PTK7: variants seen among roughly 807,000 people sequenced by gnomAD.
The protein encoded by PTK7 is protein tyrosine kinase 7 (inactive).
Under a neutral mutation model 116.6 loss-of-function variants are expected in PTK7, and 39 were observed. That is an observed-to-expected ratio of 0.33 (90% CI 0.26 to 0.44). PTK7 has a LOEUF of 0.44. Ranked by LOEUF, PTK7 falls within the 20% of genes least tolerant of loss-of-function variation. The probability of loss-of-function intolerance (pLI) is 1.00; values close to 1 mark genes in which losing one functional copy is unlikely to be tolerated. For synonymous variants in PTK7, 546 were observed against 563.6 expected (o/e 0.97, Z 0.44); for missense variants, 1,169 against 1,425.6 (o/e 0.82, Z 2.90).
At chr6:43,094,504 G>A (rs929362927) in intron 1 of PTK7, among the ~76,000 whole-genome samples, 2 of 149,436 alleles carry the variant, frequency 1.3e-5, no homozygotes, top group Non-Finnish European at 1.5e-5. Flanking sequence ...CCGTCTCGTC[G>A]CCCAGGCTGG....
intron 17 of PTK7, among the ~76,000 whole-genome samples, chr6:43,147,574 G>A (rs1019095675): frequency 2.0e-5 from 3 of 152,162 alleles, no homozygotes; most frequent in African/African-American, 4.8e-5. Flanking sequence ...TTTCTCCCAG[G>A]GGACCATTCC....
intron 17 of PTK7, among the ~76,000 whole-genome samples, chr6:43,158,564 C>G (rs1476001463): frequency 6.6e-6 from 1 of 152,222 alleles, no homozygotes; most frequent in Non-Finnish European, 1.5e-5. Context: ...GTGCCACTCA[C>G]TTAATCTGGC....
chr6:43,149,076 A>G (rs1470499189), intron 17 of PTK7, among the ~76,000 whole-genome samples: 6 of 145,752 alleles, frequency 4.1e-5, no homozygotes, highest in East Asian at 2.1e-4. Context: ...AAAAAAAAAA[A>G]AAAAAGAAAT....
chr6:43,150,787 CTTTTTTTTTTTT>C (rs1176963526), intron 17 of PTK7, among the ~76,000 whole-genome samples: 27 of 60,744 alleles, frequency 4.4e-4, no homozygotes, highest in East Asian at 1.3e-3. Context: ...GTAGACTCAG[CTTTTTTTTTTTT>C]TTTTTTTTTT....
Position 43,139,078 on chromosome 6 carries a change from G to T in PTK7, c.1363-58G>T. On this transcript the variant is annotated intron_variant, in intron 8 of 19. Transcript: ENST00000230419. This position sits in a 1 kb window ranked among gnomAD's most constrained non-coding sequence, Gnocchi z 4.6. ...CCATAGCACTCTTACCCTGGAGGCA[G>T]CCTCCAGGGAGAGGTGGGTGTGGGT... The T allele has an allele frequency of 1.2e-6, 2 of 1,610,746 alleles. No individual in the cohort carries two copies. The highest frequency in any genetic ancestry group is 1.7e-6 in the Non-Finnish European group (2 of 1,177,766).
At chr6:43,130,975 C>T (rs993810638) in intron 5 of PTK7, among the ~76,000 whole-genome samples, 4 of 147,030 alleles carry the variant, frequency 2.7e-5, no homozygotes, top group African/African-American at 7.6e-5. Flanking sequence ...CACAAGAGAC[C>T]TAGGTAGTCA....
At chr6:43,116,651 T>TGTGTGTGCGCGCGCGCGCGC (rs1323606377) in intron 1 of PTK7, among the ~76,000 whole-genome samples, 8 of 77,204 alleles carry the variant, frequency 1.0e-4, no homozygotes, top group African/African-American at 5.2e-4. Context: ...TGTGTGTGTG[T>TGTGTGTGCGCGCGCGCGCGC]GCGCGCGCAC....
chr6:43,138,711 A>AG, intron 7 of PTK7, 138 bp from the exon 8 acceptor site: 1 of 1,261,770 alleles, frequency 7.9e-7, no homozygotes, highest in Non-Finnish European at 1.1e-6. Flanking sequence ...TCTTCCGTAA[A>AG]GGGAAACTCC....
At chr6:43,078,865 G>A (rs1178012814) in intron 1 of PTK7, among the ~76,000 whole-genome samples, 2 of 152,184 alleles carry the variant, frequency 1.3e-5, no homozygotes, top group African/African-American at 4.8e-5. Flanking sequence ...TCTTTCCTCC[G>A]GGCTCTTGTT....
chr6:43,094,533 C>T (rs577792030), intron 1 of PTK7, among the ~76,000 whole-genome samples: 8 of 151,112 alleles, frequency 5.3e-5, no homozygotes, highest in Admixed American at 2.6e-4. Context: ...GGCACGATCT[C>T]GGCTCACTGC....
chr6:43,076,941 A>G lies in PTK7; in HGVS notation c.79+374A>G, dbSNP rs1252502730. ...ATCCGCACCCACCGTGGGGAGCGCG[A>G]TGGAGAAAAAGGAATTCCCCACCCC... On this transcript the variant is annotated intron_variant, in intron 1 of 19. Coordinates refer to ENST00000230419, the MANE Select transcript of PTK7 (RefSeq NM_002821.5). The surrounding 1 kb of genome is among the most constrained non-coding windows in gnomAD (Gnocchi z 5.7). 2.6e-6 allele frequency: 4 copies of G among 1,515,306 alleles called. No individual in the cohort carries two copies. The highest frequency in any genetic ancestry group is 3.5e-6 in the Non-Finnish European group (4 of 1,132,510). The allele number at this position is 1,515,306 out of a possible 1,614,324, so 93.9% of individuals were successfully genotyped here.
At chr6:43,155,533 A>G (rs1582224530) in intron 17 of PTK7, among the ~76,000 whole-genome samples, 1 of 151,740 alleles carries the variant, frequency 6.6e-6, no homozygotes, top group African/African-American at 2.4e-5. Flanking sequence ...AAACCCAGCT[A>G]CTCGGGAGGT....
chr6:43,094,975 C>T (rs1294426480), intron 1 of PTK7, among the ~76,000 whole-genome samples: 3 of 151,336 alleles, frequency 2.0e-5, no homozygotes, highest in African/African-American at 7.3e-5. Flanking sequence ...AACCGGGAGG[C>T]GGAGGTTGCA....
At chr6:43,118,655 CTCTCTATATA>C (rs1176284672) in intron 1 of PTK7, among the ~76,000 whole-genome samples, 1,988 of 69,970 alleles carry the variant, frequency 0.028, 11 homozygotes, top group African/African-American at 0.048. Flanking sequence ...CTCTCTCTCT[CTCTCTATATA>C]TATATATATA....
At chr6:43,152,748 T>C (rs1771198689) in intron 17 of PTK7, among the ~76,000 whole-genome samples, 1 of 120,080 alleles carries the variant, frequency 8.3e-6, no homozygotes, top group Non-Finnish European at 1.6e-5. Context: ...TGTTATGTTA[T>C]GTTATGTTAT....
chr6:43,120,159 G>C (rs1304255095), intron 1 of PTK7, among the ~76,000 whole-genome samples: 3 of 152,144 alleles, frequency 2.0e-5, no homozygotes, highest in East Asian at 1.9e-4. Flanking sequence ...AATTAAGTTG[G>C]CCAAGATGGA....
rs996135187 is a variant in PTK7, at chr6:43,143,778, G to A, written c.2251+158G>A. Among the ~76,000 whole-genome samples, 1 of 152,242 alleles carries A rather than the reference G, an allele frequency of 6.6e-6. No individual in the cohort carries two copies. Among genetic ancestry groups the A allele is most frequent in the Non-Finnish European group, 1.5e-5 (1 of 68,042 alleles). ...ACCCCTAGCGGGAAGCCTGGAGTTG[G>A]ATTCCCAGGGCCTCGTCTTCTGAGC... On this transcript the variant is annotated intron_variant, in intron 14 of 19. Transcript: ENST00000230419. This position sits in a 1 kb window ranked among gnomAD's most constrained non-coding sequence, Gnocchi z 4.2.
intron 1 of PTK7, among the ~76,000 whole-genome samples, chr6:43,080,469 T>C (rs1379279942): frequency 6.6e-6 from 1 of 152,204 alleles, no homozygotes; most frequent in Non-Finnish European, 1.5e-5. Context: ...TGTTTTTAAT[T>C]TTTATCTTCC....
rs1358509152 is a variant in PTK7, at chr6:43,142,125, C to A, written c.1919+44C>A. The A allele has an allele frequency of 1.9e-6, 3 of 1,610,778 alleles. No individual in the cohort carries two copies. The African/African-American group carries it at 4.0e-5, about 22-fold the overall frequency. ...CACACCCGTCCCTCCTCTCCTGCAGCCCCCCTCCCTGCGAGCTGGCCAGCA... is the reference window on the plus strand; with the variant it reads ...CACACCCGTCCCTCCTCTCCTGCAGACCCCCTCCCTGCGAGCTGGCCAGCA... On this transcript the variant is annotated intron_variant, in intron 12 of 19. Transcript: ENST00000230419.
Sources: allele counts gnomAD v4.1 joint callset (sites outside exome capture counted in the v4.1 genomes callset), GRCh38; gene constraint gnomAD v4.1.1; non-coding constraint Gnocchi (gnomAD v3.1); transcripts MANE v1.5; gene names NCBI Gene and HGNC (gene_info 2026-07-23, HGNC 2026-07-21).